The following CHMP3 variants were observed in gnomAD, a reference collection of about 807,000 sequenced individuals.
CHMP3 encodes the protein charged multivesicular body protein 3, also known as 25.1 protein.
A neutral mutation model predicts 27.4 loss-of-function variants in CHMP3; 8 were observed. The ratio of observed to expected loss-of-function variants is 0.29; its 90% CI spans 0.17 to 0.53. The LOEUF is 0.53. Ranked by LOEUF, CHMP3 falls within the 20% of genes least tolerant of loss-of-function variation. CHMP3 has a pLI of 0.96. For missense variants in CHMP3, 208 were observed against 271.5 expected, an observed-to-expected ratio of 0.77 and a Z score of 1.64; for synonymous variants, 86 against 85.5, an observed-to-expected ratio of 1.01 and a Z score of -0.03.
chr2:86,542,638 C>A, intron 1 of CHMP3: 2 of 195,048 alleles, frequency 1.0e-5, no homozygotes, highest in East Asian at 1.3e-4. Context: ...GCTTTAAGAG[C>A]ATCAGAAAAT....
intron 3 of CHMP3, among the ~76,000 whole-genome samples, chr2:86,521,670 A>C (rs1348552255): frequency 6.6e-6 from 1 of 152,222 alleles, no homozygotes; most frequent in African/African-American, 2.4e-5. Flanking sequence ...ATATAAGTGG[A>C]ATCACGTAGT....
intron 2 of CHMP3, among the ~76,000 whole-genome samples, chr2:86,539,969 C>CT (rs1394756828): frequency 6.6e-6 from 1 of 151,966 alleles, no homozygotes; most frequent in African/African-American, 2.4e-5. Context: ...TTTCATTGGA[C>CT]TTAAGTCTAG....
chr2:86,534,757 G>C (rs1399793995), intron 2 of CHMP3, among the ~76,000 whole-genome samples: 1 of 151,974 alleles, frequency 6.6e-6, no homozygotes, highest in Non-Finnish European at 1.5e-5. Context: ...TATTTTATCT[G>C]ATAATAACAT....
intron 1 of CHMP3, chr2:86,562,335 T>C (rs1677405295): frequency 6.7e-6 from 1 of 148,486 alleles, no homozygotes; most frequent in Non-Finnish European, 1.5e-5. Flanking sequence ...CTCAAAGCAC[T>C]GATGTGCACA....
intron 4 of CHMP3, among the ~76,000 whole-genome samples, chr2:86,509,849 T>A (rs1675031693): frequency 6.6e-6 from 1 of 152,236 alleles, no homozygotes; most frequent in Non-Finnish European, 1.5e-5. Flanking sequence ...CAATGCCTTC[T>A]TTATCCCTGT....
At chr2:86,513,522 T>C (rs1004067937) in intron 3 of CHMP3, among the ~76,000 whole-genome samples, 5 of 152,192 alleles carry the variant, frequency 3.3e-5, no homozygotes, top group African/African-American at 1.2e-4. Flanking sequence ...GACATGTAAA[T>C]AGAGGCTTAC....
chr2:86,545,738 T>C (rs186378259), intron 1 of CHMP3, among the ~76,000 whole-genome samples: 2,055 of 103,596 alleles, frequency 0.02, 74 homozygotes, highest in Admixed American at 0.1. Context: ...ATGGGGCGGC[T>C]GGGCAGAGGC....
chr2:86,512,879 T>C (rs1219475898), intron 3 of CHMP3, among the ~76,000 whole-genome samples: 1 of 152,216 alleles, frequency 6.6e-6, no homozygotes, highest in Non-Finnish European at 1.5e-5. Flanking sequence ...CAATACCAAA[T>C]GCTGGCGAGA....
intron 1 of CHMP3, among the ~76,000 whole-genome samples, chr2:86,553,735 TTAAA>T (rs751935968): frequency 2.6e-5 from 4 of 152,188 alleles, no homozygotes; most frequent in Non-Finnish European, 4.4e-5. Context: ...CTGGGAAAAT[TTAAA>T]TATGGACTAG....
chr2:86,555,476 T>C lies in CHMP3; in HGVS notation c.45+7828A>G, dbSNP rs185273668. ...GAGATCGCACCACTGCACTCCAGCCTGGCGACAGAGCAAGACTCCATCTCA... is the reference window on the plus strand; with the variant it reads ...GAGATCGCACCACTGCACTCCAGCCCGGCGACAGAGCAAGACTCCATCTCA... On this transcript the variant is annotated intron_variant, in intron 1 of 5. Transcript: ENST00000263856. Among the ~76,000 whole-genome samples the C allele has an allele frequency of 6.4e-3, 963 of 150,318 alleles. 2 individuals are homozygous for C. Among genetic ancestry groups the C allele is most frequent in the African/African-American group, 9.1e-3 (372 of 41,004 alleles).
chr2:86,548,614 ATCTG>A lies in CHMP3; in HGVS notation c.46-6306_46-6303del, dbSNP rs899261405. 3.5e-4 allele frequency among the ~76,000 whole-genome samples: 53 copies of A among 151,996 alleles called. 1 individual carries two copies. Among genetic ancestry groups the A allele is most frequent in the African/African-American group, 1.1e-3 (47 of 41,352 alleles). On this transcript the variant is annotated intron_variant, in intron 1 of 5. Transcript: ENST00000263856. ...TCTACACAGACACAGTAACCATCTGATCTGTCTTTCTTTTCCCCACATTTCCCCC... is the reference window on the plus strand; with the variant it reads ...TCTACACAGACACAGTAACCATCTGATCTTTCTTTTCCCCACATTTCCCCC...
At chr2:86,514,028 C>G (rs560362276) in intron 3 of CHMP3, among the ~76,000 whole-genome samples, 5 of 152,350 alleles carry the variant, frequency 3.3e-5, no homozygotes, top group Non-Finnish European at 7.3e-5. Flanking sequence ...CACACACATA[C>G]AAATATAAAG....
At chr2:86,539,735 GAGTC>G (rs763496002) in intron 2 of CHMP3, among the ~76,000 whole-genome samples, 18 of 152,080 alleles carry the variant, frequency 1.2e-4, no homozygotes, top group Admixed American at 5.2e-4. Flanking sequence ...TTACTTTTAA[GAGTC>G]AGTAAGTTAA....
chr2:86,544,517 G>A (rs2103992256), intron 1 of CHMP3, among the ~76,000 whole-genome samples: 1 of 152,110 alleles, frequency 6.6e-6, no homozygotes, highest in African/African-American at 2.4e-5. Context: ...GTGTCCCTGG[G>A]TACTTGAGAT....
At chr2:86,560,942 T>G (rs1437472248) in intron 1 of CHMP3, among the ~76,000 whole-genome samples, 1 of 152,150 alleles carries the variant, frequency 6.6e-6, no homozygotes, top group Non-Finnish European at 1.5e-5. Flanking sequence ...CCAAAGGTGA[T>G]AGTGCTAAAC....
At chr2:86,506,523 A>C (rs1409351518) in intron 5 of CHMP3, among the ~76,000 whole-genome samples, 1 of 152,136 alleles carries the variant, frequency 6.6e-6, no homozygotes, top group Non-Finnish European at 1.5e-5. Flanking sequence ...ACATCATTCC[A>C]TGTTAACGAG....
intron 1 of CHMP3, among the ~76,000 whole-genome samples, chr2:86,548,211 G>C (rs893751562): frequency 9.0e-5 from 11 of 122,284 alleles, no homozygotes; most frequent in East Asian, 5.5e-4. Context: ...AGTATTTATT[G>C]ATCATTCTTG....
At position 86,507,485 on chromosome 2, in the gene CHMP3, T is replaced by G; in HGVS notation, c.517A>C (p.Thr173Pro). 1 of 1,614,028 alleles carries G rather than the reference T, an allele frequency of 6.2e-7. No individual in the cohort carries two copies. Among genetic ancestry groups the G allele is most frequent in the Non-Finnish European group, 8.5e-7 (1 of 1,179,876 alleles). ...ATGGATCTCACGGTCATACCTGCTG[T>G]AATTTCAAAGAGAATTCTGTCAATT... ...MEIDRILFEI[T>P]AGALGKAPSK... The change falls in exon 5 of 6, where the codon ACA becomes CCA. Residue 173 changes from threonine (T) to proline (P), a missense_variant. Physicochemically the swap from Thr to Pro is conservative, Grantham distance 38 (BLOSUM62 -1). Coordinates refer to ENST00000263856, the MANE Select transcript of CHMP3 (RefSeq NM_016079.4).
At chr2:86,539,160 T>C (rs1676260423) in intron 2 of CHMP3, among the ~76,000 whole-genome samples, 1 of 152,216 alleles carries the variant, frequency 6.6e-6, no homozygotes, top group South Asian at 2.1e-4. Context: ...CTGATAGTGT[T>C]TCTGTGATAA....
Sources: gnomAD v4.1 joint callset for allele counts (sites outside exome capture counted in the v4.1 genomes callset) on GRCh38, gnomAD v4.1.1 for gene constraint, MANE v1.5 for transcripts, NCBI Gene and HGNC (gene_info 2026-07-23, HGNC 2026-07-21) for gene names.